The following ZP3 variants were observed in gnomAD, a reference collection of about 807,000 sequenced individuals.
ZP3 encodes the protein zona pellucida glycoprotein 3.
A neutral mutation model predicts 35.6 loss-of-function variants in ZP3; 21 were observed. The ratio of observed to expected loss-of-function variants is 0.59; its 90% CI spans 0.42 to 0.85. The LOEUF is 0.85. Among genes scored for constraint, ZP3 ranks in the 40% least tolerant of loss-of-function variants. The pLI is 0.00. For synonymous variants in ZP3, 207 were observed against 214.5 expected (o/e 0.96, Z 0.31); for missense variants, 437 against 536.5 (o/e 0.81, Z 1.83).
intron 1 of ZP3, among the ~76,000 whole-genome samples, chr7:76,410,118 C>T (rs1008607870): frequency 4.6e-5 from 7 of 152,062 alleles, no homozygotes; most frequent in Non-Finnish European, 1.5e-5. Flanking sequence ...CTGCATCCTC[C>T]GCCTCCCAGG....
chr7:76,439,140 A>AC (rs1395629849), intron 5 of ZP3, among the ~76,000 whole-genome samples: 38 of 140,288 alleles, frequency 2.7e-4, no homozygotes, highest in Non-Finnish European at 5.4e-4. Context: ...TCAAAAAAAA[A>AC]AAAAAAAAAA....
chr7:76,400,181 G>A (rs1456159656), intron 1 of ZP3: 1 of 1,264,644 alleles, frequency 7.9e-7, no homozygotes, highest in Non-Finnish European at 1.0e-6. Context: ...GGCCTGATCT[G>A]CATGGAACAG....
At chr7:76,419,401 TGACACAGCTCC>T (rs1805452425) in intron 1 of ZP3, among the ~76,000 whole-genome samples, 1 of 152,210 alleles carries the variant, frequency 6.6e-6, no homozygotes, top group African/African-American at 2.4e-5. Context: ...GGATAATAAT[TGACACAGCTCC>T]TTTTCTTGAA....
At chr7:76,416,955 T>TACATATGTATACATAC (rs1563692961) in intron 1 of ZP3, among the ~76,000 whole-genome samples, 48 of 118,706 alleles carry the variant, frequency 4.0e-4, no homozygotes, top group African/African-American at 2.3e-3. Context: ...CATATATATA[T>TACATATGTATACATAC]ATATATATAT....
At chr7:76,423,908 G>A (rs756413696), upstream of ZP3, among the ~76,000 whole-genome samples, 19 of 151,038 alleles carry the variant, frequency 1.3e-4, no homozygotes, top group South Asian at 1.9e-3. Flanking sequence ...GCCAAGCCCC[G>A]CTTCTGCTGT....
At position 76,427,386 on chromosome 7, in the gene ZP3, G is replaced by A. The variant is rs763121418; in HGVS notation, c.312+2110G>A. 5.3e-5 allele frequency among the ~76,000 whole-genome samples: 8 copies of A among 151,884 alleles called. No homozygotes were observed. In the South Asian group the frequency reaches 8.3e-4, roughly 16 times the overall value. On this transcript the variant is annotated intron_variant, in intron 1 of 7. Transcript: ENST00000394857. The stretch of plus-strand genomic sequence containing the variant: ...AAAGAAGTTAGCCGGGTGTGGTGGC[G>A]GGCACCTGTAATCCCAGCTACTCAG...
chr7:76,435,748 T>C (rs78204472), intron 5 of ZP3, among the ~76,000 whole-genome samples: 2 of 142,674 alleles, frequency 1.4e-5, no homozygotes, highest in Admixed American at 7.0e-5. Context: ...TTTTTTTTTT[T>C]GAGACAGTCT....
chr7:76,439,320 C>A (rs1232551564), intron 5 of ZP3, among the ~76,000 whole-genome samples: 1 of 152,266 alleles, frequency 6.6e-6, no homozygotes, highest in Non-Finnish European at 1.5e-5. Context: ...CAGGTGGCAG[C>A]GTCAGAAGCC....
At chr7:76,417,892 G>GC (rs1210295953) in intron 1 of ZP3, among the ~76,000 whole-genome samples, 15 of 151,286 alleles carry the variant, frequency 9.9e-5, no homozygotes, top group Admixed American at 9.2e-4. Context: ...GGGATTACAG[G>GC]CATGAGCCAC....
intron 1 of ZP3, 84 bp from the exon 2 acceptor site, chr7:76,429,429 GCT>G (rs1805764715): frequency 7.8e-7 from 1 of 1,288,402 alleles, no homozygotes; most frequent in Non-Finnish European, 1.1e-6. Flanking sequence ...CCCCTTGTGG[GCT>G]GCCCTCCCTG....
At chr7:76,410,805 GCTGA>G in intron 1 of ZP3, among the ~76,000 whole-genome samples, 1 of 151,858 alleles carries the variant, frequency 6.6e-6, no homozygotes, top group South Asian at 2.1e-4. Flanking sequence ...GACCAGCCTG[GCTGA>G]CATGGTGAAA....
At chr7:76,399,337 C>T (rs1804739997) in intron 1 of ZP3, among the ~76,000 whole-genome samples, 1 of 152,058 alleles carries the variant, frequency 6.6e-6, no homozygotes, top group Non-Finnish European at 1.5e-5. Flanking sequence ...TAAAGCAGTT[C>T]ACCTCCCTTG....
Position 76,405,301 on chromosome 7 carries a change from A to G in ZP3, c.-67+7504A>G, listed in dbSNP as rs1445445607. 2.8e-3 allele frequency among the ~76,000 whole-genome samples: 125 copies of G among 45,282 alleles called. 4 individuals carry two copies. Among genetic ancestry groups the G allele is most frequent in the East Asian group, 0.011 (14 of 1,264 alleles). 29.7% of individuals were successfully genotyped at this position (45,282 alleles called of 152,430 possible). A position where few individuals can be genotyped will look rare whatever the true frequency, so the allele number is the denominator to read the frequency against. On this transcript the variant is annotated intron_variant, in intron 1 of 8. Coordinates refer to the ZP3 transcript ENST00000336517. The stretch of plus-strand genomic sequence containing the variant: ...TATATATATATATATATATATATAT[A>G]TATATATATATATATGTATTTTTTT...
chr7:76,402,384 G>T (rs1804861481), intron 1 of ZP3, among the ~76,000 whole-genome samples: 2 of 152,012 alleles, frequency 1.3e-5, no homozygotes, highest in African/African-American at 4.8e-5. Context: ...GTCTCACCAT[G>T]TTGGCCAGGC....
rs1806152524 is a variant in ZP3, at chr7:76,440,155, C to G, written c.832-95C>G. The G allele has an allele frequency of 2.0e-6, 3 of 1,481,910 alleles. No individual in the cohort carries two copies. In the South Asian group the frequency reaches 3.8e-5, roughly 19 times the overall value. 91.8% of individuals were successfully genotyped at this position (1,481,910 alleles called of 1,614,324 possible). On this transcript the variant is annotated intron_variant, in intron 5 of 7. Coordinates refer to ENST00000394857, the MANE Select transcript of ZP3 (RefSeq NM_001110354.2). ...TGCCAATGCACCCGGCCCCTTCTCACTCTTTAAAGGGTTGAGGGTTATAAG... is the reference window on the plus strand; with the variant it reads ...TGCCAATGCACCCGGCCCCTTCTCAGTCTTTAAAGGGTTGAGGGTTATAAG...
chr7:76,437,168 G>A (rs940159916), intron 5 of ZP3, among the ~76,000 whole-genome samples: 5 of 127,820 alleles, frequency 3.9e-5, no homozygotes, highest in African/African-American at 9.1e-5. Flanking sequence ...AAGACCCTGT[G>A]TACTTTTTTT....
At chr7:76,417,420 C>T (rs1375094924) in intron 1 of ZP3, among the ~76,000 whole-genome samples, 1 of 152,022 alleles carries the variant, frequency 6.6e-6, no homozygotes, top group Non-Finnish European at 1.5e-5. Context: ...TCTCAGCCCA[C>T]TGAGGTCCTT....
chr7:76,405,364 T>A (rs1273715169), intron 1 of ZP3, among the ~76,000 whole-genome samples: 7 of 106,228 alleles, frequency 6.6e-5, no homozygotes, highest in Non-Finnish European at 1.4e-4. Flanking sequence ...TTTTTTTTGG[T>A]AGAGAGGGTG....
intron 2 of ZP3, among the ~76,000 whole-genome samples, chr7:76,429,861 A>G (rs1183403570): frequency 6.6e-6 from 1 of 152,140 alleles, no homozygotes; most frequent in Non-Finnish European, 1.5e-5. Flanking sequence ...GAAGCTTCAG[A>G]GCTGCTCAGC....
Sources: allele counts gnomAD v4.1 joint callset (sites outside exome capture counted in the v4.1 genomes callset), GRCh38; gene constraint gnomAD v4.1.1; transcripts MANE v1.5; gene names NCBI Gene and HGNC (gene_info 2026-07-23, HGNC 2026-07-21).